Variants in KCNQ5 observed in about 807,000 individuals in gnomAD.
KCNQ5 encodes potassium voltage-gated channel subfamily Q member 5, also known as potassium voltage-gated channel subfamily KQT member 5.
Under a neutral mutation model 98.2 loss-of-function variants are expected in KCNQ5, and 30 were observed. The observed-to-expected ratio is 0.31, with a 90% CI of 0.23 to 0.41. The LOEUF is 0.41. Ranked by LOEUF, KCNQ5 falls within the 10% of genes least tolerant of loss-of-function variation. The probability of loss-of-function intolerance (pLI) is 1.00; values close to 1 mark genes in which losing one functional copy is unlikely to be tolerated. For missense variants in KCNQ5, 835 were observed against 1,182.5 expected (o/e 0.71, Z 4.31); for synonymous variants, 458 against 449.4 (o/e 1.02, Z -0.24).
In KCNQ5 at chr6:72,622,714, G is replaced by A; in HGVS notation, c.398+127G>A. The A allele has an allele frequency of 2.1e-6, 2 of 967,158 alleles. No individual in the cohort carries two copies. The highest frequency in any genetic ancestry group is 3.1e-6 in the Non-Finnish European group (2 of 654,340). The allele number at this position is 967,158 out of a possible 1,614,324, so 59.9% of individuals were successfully genotyped here. A position where few individuals can be genotyped will look rare whatever the true frequency, so the allele number is the denominator to read the frequency against. On this transcript the variant is annotated intron_variant, in intron 1 of 13. Transcript: ENST00000370398. The surrounding 1 kb of genome is among the most constrained non-coding windows in gnomAD (Gnocchi z 6.0). Reference sequence around the variant, plus strand: ...CACACGTGGTGGCTTTTATTTCTTCGCACGTGTTCGTGGTCTTCCTTCTGG... The same window carrying A: ...CACACGTGGTGGCTTTTATTTCTTCACACGTGTTCGTGGTCTTCCTTCTGG...
intron 1 of KCNQ5, among the ~76,000 whole-genome samples, chr6:72,635,211 G>A (rs1033441321): frequency 6.6e-6 from 1 of 151,288 alleles, no homozygotes; most frequent in Non-Finnish European, 1.5e-5. Flanking sequence ...TTTATTATTT[G>A]TAGAGACAGG....
At chr6:72,977,324 G>C (rs1768202552) in intron 1 of KCNQ5, among the ~76,000 whole-genome samples, 1 of 152,096 alleles carries the variant, frequency 6.6e-6, no homozygotes, top group Admixed American at 6.6e-5. Context: ...GCACACAAAA[G>C]CATCAAGTTT....
intron 1 of KCNQ5, among the ~76,000 whole-genome samples, chr6:72,642,361 T>C (rs990603047): frequency 6.6e-6 from 1 of 152,080 alleles, no homozygotes; most frequent in Non-Finnish European, 1.5e-5. Flanking sequence ...GGGGTACATG[T>C]GCAGGATGTG....
intron 1 of KCNQ5, among the ~76,000 whole-genome samples, chr6:72,891,359 A>C (rs750266634): frequency 6.6e-6 from 1 of 152,204 alleles, no homozygotes; most frequent in Non-Finnish European, 1.5e-5. Flanking sequence ...GGTTGGATGA[A>C]CATACTCAAA....
rs868347180 is a variant in KCNQ5 at position 72,679,846 on chromosome 6, T to G, written c.398+57259T>G. 3.7e-4 allele frequency among the ~76,000 whole-genome samples: 56 copies of G among 152,302 alleles called. No homozygotes were observed. In the South Asian group the frequency reaches 4.6e-3, roughly 12 times the overall value. ...CTAGGTCAGGAGTTCGAGACCAGCC[T>G]GGGCAACATGATGAAACCCTGTCTC... On this transcript the variant is annotated intron_variant, in intron 1 of 13. Transcript: ENST00000370398.
chr6:73,083,116 A>G (rs1425899394), intron 5 of KCNQ5, among the ~76,000 whole-genome samples: 1 of 151,866 alleles, frequency 6.6e-6, no homozygotes, highest in Non-Finnish European at 1.5e-5. Flanking sequence ...CTGGTCTCAA[A>G]CTCCTAGGTT....
intron 2 of KCNQ5, among the ~76,000 whole-genome samples, chr6:73,030,360 C>G (rs1197544964): frequency 6.6e-6 from 1 of 152,118 alleles, no homozygotes; most frequent in Non-Finnish European, 1.5e-5. Context: ...TTTGCATGAG[C>G]CTAACTGACT....
intron 1 of KCNQ5, among the ~76,000 whole-genome samples, chr6:72,852,091 TAACA>T (rs1451554078): frequency 2.0e-5 from 3 of 152,142 alleles, no homozygotes; most frequent in Non-Finnish European, 4.4e-5. Context: ...GTGGCCTTCC[TAACA>T]GTGTTTAAAA....
intron 1 of KCNQ5, among the ~76,000 whole-genome samples, chr6:72,967,278 G>A (rs1767664080): frequency 6.6e-6 from 1 of 151,962 alleles, no homozygotes; most frequent in South Asian, 2.1e-4. Flanking sequence ...TTCTCACTGG[G>A]ATTTCATAAT....
intron 7 of KCNQ5, among the ~76,000 whole-genome samples, chr6:73,112,444 CA>C (rs1376371202): frequency 6.6e-6 from 1 of 151,552 alleles, no homozygotes; most frequent in Non-Finnish European, 1.5e-5. Flanking sequence ...CTCCTGGGTT[CA>C]CGCCATTCTC....
At chr6:72,851,677 C>T (rs959726038) in intron 1 of KCNQ5, among the ~76,000 whole-genome samples, 1 of 152,090 alleles carries the variant, frequency 6.6e-6, no homozygotes, top group East Asian at 1.9e-4. Flanking sequence ...AACTTCTCTC[C>T]ACCCTCTACA....
chr6:73,183,067 A>G (rs542038604), intron 11 of KCNQ5, among the ~76,000 whole-genome samples: 59 of 152,346 alleles, frequency 3.9e-4, no homozygotes, highest in Admixed American at 1.1e-3. Flanking sequence ...AGACAAGGAC[A>G]GAGATGAATA....
intron 1 of KCNQ5, among the ~76,000 whole-genome samples, chr6:72,835,561 C>T (rs1027887620): frequency 2.6e-5 from 4 of 152,058 alleles, no homozygotes; most frequent in Non-Finnish European, 5.9e-5. Flanking sequence ...AATTTATCAA[C>T]CATGTTATTT....
At chr6:72,643,766 T>G (rs938718512) in intron 1 of KCNQ5, among the ~76,000 whole-genome samples, 1 of 152,214 alleles carries the variant, frequency 6.6e-6, no homozygotes, top group Non-Finnish European at 1.5e-5. Flanking sequence ...ACAGCTGTTA[T>G]GTATTTGTCA....
chr6:72,751,012 GA>G (rs1030181192), intron 1 of KCNQ5, among the ~76,000 whole-genome samples: 10 of 150,194 alleles, frequency 6.7e-5, no homozygotes, highest in East Asian at 1.9e-4. Flanking sequence ...GTACTGGGAT[GA>G]AAAAAAAATG....
intron 3 of KCNQ5, among the ~76,000 whole-genome samples, chr6:73,050,717 T>C (rs932180470): frequency 6.6e-6 from 1 of 152,268 alleles, no homozygotes; most frequent in African/African-American, 2.4e-5. Flanking sequence ...TGATATACTT[T>C]GTATTATTCC....
At chr6:73,081,092 G>A (rs1481619552) in intron 5 of KCNQ5, among the ~76,000 whole-genome samples, 1 of 152,152 alleles carries the variant, frequency 6.6e-6, no homozygotes, top group Non-Finnish European at 1.5e-5. Context: ...TTAAATGAAA[G>A]CACCTTTAAT....
chr6:72,737,108 C>G (rs989139112), intron 1 of KCNQ5, among the ~76,000 whole-genome samples: 10 of 152,066 alleles, frequency 6.6e-5, no homozygotes, highest in African/African-American at 2.2e-4. Context: ...TTACAGGCAT[C>G]TGCCATCACG....
intron 1 of KCNQ5, among the ~76,000 whole-genome samples, chr6:72,857,061 G>A (rs529876766): frequency 3.0e-4 from 46 of 152,318 alleles, no homozygotes; most frequent in African/African-American, 1.1e-3. Flanking sequence ...CTCCCACTAG[G>A]GAAATATCAC....
Sources: allele counts gnomAD v4.1 joint callset (sites outside exome capture counted in the v4.1 genomes callset), GRCh38; gene constraint gnomAD v4.1.1; non-coding constraint Gnocchi (gnomAD v3.1); transcripts MANE v1.5; gene names NCBI Gene and HGNC (gene_info 2026-07-23, HGNC 2026-07-21).